SLC25A20: variants seen among roughly 807,000 people sequenced by gnomAD.
The protein encoded by SLC25A20 is mitochondrial carnitine/acylcarnitine carrier protein.
Under a neutral mutation model 39.7 loss-of-function variants are expected in SLC25A20, and 29 were observed. The observed-to-expected ratio is 0.73, with a 90% CI of 0.54 to 1.00. The LOEUF (loss-of-function observed/expected upper bound fraction) is 1.00. SLC25A20 is among the 50% of genes least tolerant of loss of function. The pLI, the probability that SLC25A20 is intolerant of heterozygous loss-of-function variation, is 0.00. For synonymous variants in SLC25A20, 103 were observed against 142.2 expected (o/e 0.72, Z 1.96); for missense variants, 333 against 379.9 (o/e 0.88, Z 1.03).
chr3:48,897,365 A>G (rs796455739), intron 1 of SLC25A20, among the ~76,000 whole-genome samples: 2 of 104,346 alleles, frequency 1.9e-5, no homozygotes, highest in African/African-American at 7.1e-5. Flanking sequence ...ATATATATAT[A>G]TATTTTTTTT....
At chr3:48,879,555 G>A in intron 3 of SLC25A20, 107 bp from the exon 4 acceptor site, 1 of 787,974 alleles carries the variant, frequency 1.3e-6, no homozygotes, top group Non-Finnish European at 2.3e-6. Flanking sequence ...ATAAGTACTT[G>A]GACTGGGTAG....
chr3:48,876,811 C>T (rs1246847440), intron 4 of SLC25A20, among the ~76,000 whole-genome samples: 1 of 151,886 alleles, frequency 6.6e-6, no homozygotes, highest in Non-Finnish European at 1.5e-5. Context: ...GTTAGAAACA[C>T]ATGGCTGAGC....
intron 1 of SLC25A20, 57 bp downstream of exon 1, chr3:48,898,633 G>T: frequency 6.7e-7 from 1 of 1,491,048 alleles, no homozygotes; most frequent in Non-Finnish European, 9.2e-7. Context: ...GGGGGACCAT[G>T]CTTTCCGCGC....
intron 4 of SLC25A20, among the ~76,000 whole-genome samples, chr3:48,875,232 A>G (rs1274436996): frequency 6.6e-6 from 1 of 151,190 alleles, no homozygotes; most frequent in Non-Finnish European, 1.5e-5. Flanking sequence ...GCTCCCAAGT[A>G]GCTGGGATTA....
At chr3:48,895,296 C>T (rs1443967854) in intron 1 of SLC25A20, among the ~76,000 whole-genome samples, 1 of 152,248 alleles carries the variant, frequency 6.6e-6, no homozygotes, top group Non-Finnish European at 1.5e-5. Flanking sequence ...GCGTGAGCCA[C>T]CATGCCTGGC....
intron 4 of SLC25A20, among the ~76,000 whole-genome samples, chr3:48,872,925 A>C (rs987116589): frequency 2.0e-5 from 3 of 151,790 alleles, no homozygotes; most frequent in African/African-American, 7.3e-5. Context: ...TAAAATGATA[A>C]ATAAAACCTA....
intron 1 of SLC25A20, among the ~76,000 whole-genome samples, chr3:48,893,564 C>A (rs925591149): frequency 6.6e-6 from 1 of 151,934 alleles, no homozygotes; most frequent in African/African-American, 2.4e-5. Context: ...GACAGGGTCT[C>A]ACTGTCTCGC....
intron 4 of SLC25A20, among the ~76,000 whole-genome samples, chr3:48,878,262 C>CAAAAAAAA (rs1257374907): frequency 9.4e-6 from 1 of 106,846 alleles, no homozygotes; most frequent in African/African-American, 3.8e-5. Flanking sequence ...TCCATCTCCA[C>CAAAAAAAA]AAAAAAAAAA....
In SLC25A20 at chr3:48,858,506, C is replaced by T. The variant is rs776148065; in HGVS notation, c.843+1G>A. On this transcript the variant is annotated splice_donor_variant, in intron 8 of 8. Coordinates refer to ENST00000319017, the MANE Select transcript of SLC25A20 (RefSeq NM_000387.6). LOFTEE classifies it high-confidence loss of function. ...AAAGCACAGCCCTGCCAGCTACTCA[C>T]CGCATTGGCTGGGAAGGCTCGGATC... 1.2e-6 allele frequency: 2 copies of T among 1,614,196 alleles called. No homozygotes were observed. The highest frequency in any genetic ancestry group is 1.3e-5 in the African/African-American group (1 of 75,052).
intron 5 of SLC25A20, 129 bp from the exon 6 acceptor site, chr3:48,859,756 CTTGGCCTGAA>C (rs1241422150): frequency 1.3e-6 from 1 of 749,660 alleles, no homozygotes; most frequent in Non-Finnish European, 2.4e-6. Context: ...GAGGTCCGCG[CTTGGCCTGAA>C]TTATTAGTAA....
chr3:48,870,292 G>A (rs368199012), intron 4 of SLC25A20, among the ~76,000 whole-genome samples: 2 of 152,066 alleles, frequency 1.3e-5, no homozygotes, highest in Non-Finnish European at 2.9e-5. Flanking sequence ...TCCCAGCTAC[G>A]CGGGAGGATG....
At chr3:48,880,440 C>A (rs895383703) in intron 3 of SLC25A20, among the ~76,000 whole-genome samples, 1 of 151,760 alleles carries the variant, frequency 6.6e-6, no homozygotes, top group African/African-American at 2.4e-5. Flanking sequence ...CCACACCCAG[C>A]TAATTTTTGT....
chr3:48,892,269 C>T (rs2083883047), intron 1 of SLC25A20, among the ~76,000 whole-genome samples, 197 bp from the exon 2 acceptor site: 1 of 152,178 alleles, frequency 6.6e-6, no homozygotes, highest in Non-Finnish European at 1.5e-5. Context: ...AATAATATCC[C>T]ATCGTATGAA....
rs920952920 is a variant in SLC25A20 at position 48,857,628 on chromosome 3, A to G, written c.*82T>C. ...ACCATTCCCCTCCCCTTGCCCTCCA[A>G]GACTGCTTAGTTCTGCTTACTACTC... On this transcript the variant is annotated 3_prime_UTR_variant, in exon 9 of 9. Transcript: ENST00000319017. The G allele has an allele frequency of 2.2e-6, 3 of 1,349,142 alleles. No individual in the cohort carries two copies. The highest frequency in any genetic ancestry group is 1.1e-6 in the Non-Finnish European group (1 of 950,172). The allele number at this position is 1,349,142 out of a possible 1,614,324, so 83.6% of individuals were successfully genotyped here.
At position 48,884,054 on chromosome 3, in the gene SLC25A20, A is replaced by C. The variant is rs1405179913; in HGVS notation, c.269T>G (p.Phe90Cys). 5.0e-6 allele frequency: 8 copies of C among 1,614,064 alleles called. No homozygotes were observed. Among genetic ancestry groups the C allele is most frequent in the Non-Finnish European group, 6.8e-6 (8 of 1,179,956 alleles). Residue 90 changes from phenylalanine (F) to cysteine (C), a missense_variant, in exon 3 of 9, where the codon TTC becomes TGC. Physicochemically the swap from Phe to Cys is radical, Grantham distance 205 (BLOSUM62 -2). Transcript: ENST00000319017. ...IGVTPMFAVC[F>C]FGFGLGKKLQ... Reference sequence around the variant, plus strand: ...TTTCTTCCCCAAACCAAACCCAAAGAAGCACACGGCAAACATGGGAGTGAC... The same window carrying C: ...TTTCTTCCCCAAACCAAACCCAAAGCAGCACACGGCAAACATGGGAGTGAC...
chr3:48,891,835 G>T (rs2083879595), intron 2 of SLC25A20, 145 bp downstream of exon 2: 1 of 756,862 alleles, frequency 1.3e-6, no homozygotes, highest in South Asian at 1.4e-5. Flanking sequence ...ACAACAGGGG[G>T]GCACAGGGTG....
chr3:48,862,771 T>C (rs2083637204), intron 4 of SLC25A20, 112 bp from the exon 5 acceptor site: 14 of 753,992 alleles, frequency 1.9e-5, no homozygotes, highest in South Asian at 2.8e-5. Flanking sequence ...AATAAAAGAC[T>C]TCACTGTCAA....
chr3:48,884,849 C>T (rs2083819129), intron 2 of SLC25A20, among the ~76,000 whole-genome samples: 1 of 146,248 alleles, frequency 6.8e-6, no homozygotes, highest in Non-Finnish European at 1.5e-5. Context: ...AATGGAGTCA[C>T]ATGGCCAAGA....
intron 1 of SLC25A20, 51 bp downstream of exon 1, chr3:48,898,639 C>A: frequency 2.0e-6 from 3 of 1,516,698 alleles, no homozygotes; most frequent in Non-Finnish European, 2.7e-6. Context: ...CCATGCTTTC[C>A]GCGCCCCGCC....
Sources: allele counts gnomAD v4.1 joint callset (sites outside exome capture counted in the v4.1 genomes callset), GRCh38; gene constraint gnomAD v4.1.1; transcripts MANE v1.5; gene names NCBI Gene and HGNC (gene_info 2026-07-23, HGNC 2026-07-21).